Variants in WWOX observed in about 807,000 individuals in gnomAD.
The protein encoded by WWOX is WW domain-containing oxidoreductase.
WWOX carries 69 observed loss-of-function variants against 46.2 expected under a neutral mutation model. The ratio of observed to expected loss-of-function variants is 1.49; its 90% CI spans 1.23 to 1.82. The LOEUF (loss-of-function observed/expected upper bound fraction) is 1.82. Among genes scored for constraint, WWOX ranks in the 40% most tolerant of loss-of-function variants. The pLI, the probability that WWOX is intolerant of heterozygous loss-of-function variation, is 0.00. For missense variants in WWOX, 919 were observed against 542.6 expected, an observed-to-expected ratio of 1.69 and a Z score of -6.89; for synonymous variants, 359 against 202.6, an observed-to-expected ratio of 1.77 and a Z score of -6.56.
In WWOX at chr16:78,785,970, G is replaced by T. The variant is rs200535729; in HGVS notation, c.1056+353218G>T. On this transcript the variant is annotated intron_variant, in intron 8 of 8. Transcript: ENST00000566780. ...CGCCCAGGCTGGAGTGCAGTGGCGC[G>T]ATCTCTGCTCACCGCAACCTCCGCC... Among the ~76,000 whole-genome samples, 38 of 152,188 alleles carry T rather than the reference G, an allele frequency of 2.5e-4. No individual in the cohort carries two copies. The East Asian group carries it at 7.2e-3, about 29-fold the overall frequency.
chr16:78,533,366 A>G (rs925695977), intron 8 of WWOX, among the ~76,000 whole-genome samples: 3 of 152,108 alleles, frequency 2.0e-5, no homozygotes, highest in Admixed American at 2.0e-4. Flanking sequence ...ATTGGAAGAA[A>G]AAGAATTGTC....
intron 8 of WWOX, among the ~76,000 whole-genome samples, chr16:78,471,572 C>T (rs1022515398): frequency 2.0e-5 from 3 of 152,250 alleles, no homozygotes; most frequent in African/African-American, 4.8e-5. Flanking sequence ...ATCTCTGCAG[C>T]GATAGTTGAA....
Position 78,457,590 on chromosome 16 carries a change from T to G in WWOX, c.1056+24838T>G, listed in dbSNP as rs138663180. Reference sequence around the variant, plus strand: ...TTATAAGACTCTGCATTTACAACATTTGTGGGGGCTGCAGAGGACGCACAT... The same window carrying G: ...TTATAAGACTCTGCATTTACAACATGTGTGGGGGCTGCAGAGGACGCACAT... On this transcript the variant is annotated intron_variant, in intron 8 of 8. Coordinates refer to ENST00000566780, the MANE Select transcript of WWOX (RefSeq NM_016373.4). Among the ~76,000 whole-genome samples the G allele has an allele frequency of 2.0e-3, 297 of 152,082 alleles. 4 individuals are homozygous for G. The East Asian group carries it at 0.043, about 22-fold the overall frequency.
At chr16:78,625,709 T>G (rs1327077591) in intron 8 of WWOX, among the ~76,000 whole-genome samples, 3 of 150,350 alleles carry the variant, frequency 2.0e-5, no homozygotes, top group African/African-American at 7.3e-5. Flanking sequence ...ATGTGTTTTT[T>G]GCTATTAAAA....
chr16:78,808,208 C>T (rs2051093556), intron 8 of WWOX, among the ~76,000 whole-genome samples: 2 of 152,182 alleles, frequency 1.3e-5, no homozygotes, highest in African/African-American at 4.8e-5. Context: ...TCTGAATATG[C>T]TCCTCCTGTG....
At chr16:78,481,373 T>G (rs546131855) in intron 8 of WWOX, among the ~76,000 whole-genome samples, 39 of 152,252 alleles carry the variant, frequency 2.6e-4, no homozygotes, top group African/African-American at 7.5e-4. Context: ...CTCTGCCTAC[T>G]AGAAGGATAT....
At chr16:78,860,631 A>C (rs2052694451) in intron 8 of WWOX, among the ~76,000 whole-genome samples, 1 of 152,212 alleles carries the variant, frequency 6.6e-6, no homozygotes, top group Non-Finnish European at 1.5e-5. Flanking sequence ...ACAAACACAA[A>C]ATAAATACTT....
intron 8 of WWOX, among the ~76,000 whole-genome samples, chr16:78,849,085 G>C (rs920521779): frequency 2.0e-5 from 3 of 152,114 alleles, no homozygotes; most frequent in Non-Finnish European, 2.9e-5. Context: ...CAGCTCCCCA[G>C]GGTCTACTTG....
At chr16:78,939,895 C>A (rs916326500) in intron 8 of WWOX, among the ~76,000 whole-genome samples, 1 of 152,194 alleles carries the variant, frequency 6.6e-6, no homozygotes, top group East Asian at 1.9e-4. Context: ...TTTGTACATG[C>A]TTTTGCTCAA....
At chr16:78,481,724 A>AGTGTGTGTGTGTGTGTGTGTGTGT (rs67780639) in intron 8 of WWOX, among the ~76,000 whole-genome samples, 2 of 137,048 alleles carry the variant, frequency 1.5e-5, no homozygotes, top group Non-Finnish European at 3.1e-5. Flanking sequence ...GGGCAAGGGA[A>AGTGTGTGTGTGTGTGTGTGTGTGT]GTGTGTGTGT....
At chr16:79,140,112 C>G (rs1205898327) in intron 8 of WWOX, among the ~76,000 whole-genome samples, 1 of 152,152 alleles carries the variant, frequency 6.6e-6, no homozygotes, top group Non-Finnish European at 1.5e-5. Flanking sequence ...ACATTAAGCT[C>G]CTTACCTGTG....
intron 8 of WWOX, among the ~76,000 whole-genome samples, chr16:78,812,533 C>G (rs951985704): frequency 6.6e-6 from 1 of 151,884 alleles, no homozygotes; most frequent in African/African-American, 2.4e-5. Flanking sequence ...ACCAGCCTGG[C>G]CAACATGGCG....
intron 8 of WWOX, among the ~76,000 whole-genome samples, chr16:78,829,653 T>C (rs1229808774): frequency 6.6e-6 from 1 of 152,192 alleles, no homozygotes; most frequent in Admixed American, 6.5e-5. Flanking sequence ...TACTAGGTTC[T>C]GTGCCAAGGA....
At chr16:78,181,317 T>A (rs1483297297) in intron 5 of WWOX, among the ~76,000 whole-genome samples, 1 of 152,176 alleles carries the variant, frequency 6.6e-6, no homozygotes, top group Non-Finnish European at 1.5e-5. Flanking sequence ...CTGTTTTCAG[T>A]GTTCTCTGAT....
intron 8 of WWOX, among the ~76,000 whole-genome samples, chr16:79,117,461 A>G (rs1328713686): frequency 6.6e-6 from 1 of 152,212 alleles, no homozygotes; most frequent in African/African-American, 2.4e-5. Flanking sequence ...TAGGTTTAGC[A>G]TAATTCTTAA....
intron 8 of WWOX, among the ~76,000 whole-genome samples, chr16:79,201,474 G>A (rs570709322): frequency 6.6e-6 from 1 of 151,992 alleles, no homozygotes; most frequent in South Asian, 2.1e-4. Flanking sequence ...TAACTTTGCA[G>A]CATTCTTCAA....
intron 8 of WWOX, chr16:78,691,267 GT>G: frequency 1.4e-6 from 1 of 702,170 alleles, no homozygotes; most frequent in Non-Finnish European, 2.6e-6. Context: ...GTAGAAGGAG[GT>G]CACTTCTGAT....
At chr16:78,217,567 C>G (rs2036762054) in intron 5 of WWOX, among the ~76,000 whole-genome samples, 1 of 152,102 alleles carries the variant, frequency 6.6e-6, no homozygotes, top group Non-Finnish European at 1.5e-5. Context: ...ACTCTCTTCT[C>G]CCAGATGCTG....
At chr16:78,320,566 G>A (rs896200676) in intron 5 of WWOX, among the ~76,000 whole-genome samples, 1 of 152,180 alleles carries the variant, frequency 6.6e-6, no homozygotes, top group African/African-American at 2.4e-5. Flanking sequence ...TCTGGAGAAG[G>A]TATTGAAGAA....
Sources: allele counts gnomAD v4.1 joint callset (sites outside exome capture counted in the v4.1 genomes callset), GRCh38; gene constraint gnomAD v4.1.1; transcripts MANE v1.5; gene names NCBI Gene and HGNC (gene_info 2026-07-23, HGNC 2026-07-21).